The following CDH12 variants were observed in gnomAD, a reference collection of about 807,000 sequenced individuals.
CDH12 encodes the protein cadherin 12, also known as cadherin-12.
Under a neutral mutation model 74.1 loss-of-function variants are expected in CDH12, and 41 were observed. The ratio of observed to expected loss-of-function variants is 0.55; its 90% CI spans 0.43 to 0.72. The LOEUF (loss-of-function observed/expected upper bound fraction) is 0.72. CDH12 is among the 30% of genes least tolerant of loss of function. CDH12 has a pLI of 0.00. For missense variants in CDH12, 945 were observed against 977.2 expected (o/e 0.97, Z 0.44); for synonymous variants, 399 against 355.0 (o/e 1.12, Z -1.39).
intron 1 of CDH12, among the ~76,000 whole-genome samples, chr5:22,567,813 A>C: frequency 6.6e-6 from 1 of 152,254 alleles, no homozygotes; most frequent in East Asian, 1.9e-4. Context: ...ATATTTGAAC[A>C]GATGTAGATG....
At chr5:22,279,946 C>T (rs368545124) in intron 3 of CDH12, among the ~76,000 whole-genome samples, 19 of 152,242 alleles carry the variant, frequency 1.2e-4, no homozygotes, top group African/African-American at 3.9e-4. Flanking sequence ...CCTGAGGAAT[C>T]GCCACACTAT....
intron 6 of CDH12, among the ~76,000 whole-genome samples, chr5:21,898,745 A>T (rs1443173833): frequency 6.6e-6 from 1 of 151,984 alleles, no homozygotes; most frequent in Non-Finnish European, 1.5e-5. Context: ...AATAAAGTAT[A>T]TTTGAGAAGA....
chr5:22,570,119 G>A (rs1739473344), intron 1 of CDH12, among the ~76,000 whole-genome samples: 1 of 151,918 alleles, frequency 6.6e-6, no homozygotes, highest in South Asian at 2.1e-4. Flanking sequence ...GCAGTGGAGT[G>A]ATCTCGGCTC....
intron 3 of CDH12, among the ~76,000 whole-genome samples, chr5:22,377,633 T>A (rs1467610000): frequency 6.6e-6 from 1 of 152,222 alleles, no homozygotes; most frequent in Non-Finnish European, 1.5e-5. Flanking sequence ...GGCATCTGGA[T>A]TCCAATAGTT....
At chr5:21,983,530 G>A (rs1757397748) in intron 5 of CDH12, among the ~76,000 whole-genome samples, 1 of 152,152 alleles carries the variant, frequency 6.6e-6, no homozygotes, top group African/African-American at 2.4e-5. Flanking sequence ...CTCCAGGTGC[G>A]AGTTTATGTG....
At chr5:22,286,599 A>T (rs961682373) in intron 3 of CDH12, among the ~76,000 whole-genome samples, 50 of 152,180 alleles carry the variant, frequency 3.3e-4, no homozygotes, top group Non-Finnish European at 1.8e-4. Context: ...GATGAATATC[A>T]CAGAAATCCT....
chr5:22,311,617 C>T (rs183846317), intron 3 of CDH12, among the ~76,000 whole-genome samples: 72 of 150,166 alleles, frequency 4.8e-4, no homozygotes, highest in African/African-American at 1.7e-3. Flanking sequence ...GCAGGATAAT[C>T]GCTTGAACCT....
chr5:22,523,497 T>G (rs895857374), intron 1 of CDH12, among the ~76,000 whole-genome samples: 1 of 152,226 alleles, frequency 6.6e-6, no homozygotes, highest in African/African-American at 2.4e-5. Context: ...GAACTATTAA[T>G]TTTAATTTCC....
At chr5:22,182,692 A>G (rs1749710770) in intron 4 of CDH12, among the ~76,000 whole-genome samples, 1 of 152,220 alleles carries the variant, frequency 6.6e-6, no homozygotes, top group African/African-American at 2.4e-5. Flanking sequence ...GATACTGAAG[A>G]AGGCACAGCA....
intron 2 of CDH12, among the ~76,000 whole-genome samples, chr5:22,493,591 C>A (rs557865036): frequency 6.6e-6 from 1 of 150,764 alleles, no homozygotes; most frequent in South Asian, 2.1e-4. Flanking sequence ...TTTTTTTTGT[C>A]CTTACTTTTT....
rs187870648 is a variant in CDH12 at position 22,696,707 on chromosome 5, G to A, written c.-523+156351C>T. 5.9e-5 allele frequency among the ~76,000 whole-genome samples: 9 copies of A among 152,204 alleles called. No individual in the cohort carries two copies. In the East Asian group the frequency reaches 1.7e-3, roughly 29 times the overall value. On this transcript the variant is annotated intron_variant, in intron 1 of 14. Transcript: ENST00000382254. The stretch of plus-strand genomic sequence containing the variant: ...GGTGTAGCTTTCTAGCAGCTAGAAT[G>A]GCTTCTGAAGATGTTTCTTCTTTCA...
At chr5:22,004,997 T>C (rs1414787718) in intron 5 of CDH12, among the ~76,000 whole-genome samples, 2 of 152,200 alleles carry the variant, frequency 1.3e-5, no homozygotes, top group African/African-American at 2.4e-5. Flanking sequence ...ATGGATGGTA[T>C]ATGTACCATA....
chr5:22,104,293 T>TA (rs1744308526), intron 4 of CDH12, among the ~76,000 whole-genome samples: 2 of 152,232 alleles, frequency 1.3e-5, no homozygotes, highest in South Asian at 4.1e-4. Flanking sequence ...GCATTTGAAT[T>TA]AGATTATATA....
chr5:21,802,782 G>A (rs548861538), intron 9 of CDH12, among the ~76,000 whole-genome samples: 148 of 151,806 alleles, frequency 9.7e-4, no homozygotes, highest in African/African-American at 3.4e-3. Flanking sequence ...AGTAGAGACG[G>A]GGTTTCAACA....
intron 4 of CDH12, chr5:22,152,082 T>C (rs548855456): frequency 6.6e-6 from 1 of 152,198 alleles, no homozygotes; most frequent in South Asian, 2.1e-4. Flanking sequence ...CTTTCCCATC[T>C]CGTTCTGGAA....
intron 1 of CDH12, among the ~76,000 whole-genome samples, chr5:22,648,293 T>C (rs1233888645): frequency 1.3e-5 from 2 of 151,914 alleles, no homozygotes; most frequent in East Asian, 1.9e-4. Flanking sequence ...TACTATTTCA[T>C]AGAGTACAGC....
At chr5:22,207,545 G>A (rs1168755438) in intron 4 of CDH12, among the ~76,000 whole-genome samples, 1 of 152,188 alleles carries the variant, frequency 6.6e-6, no homozygotes, top group Non-Finnish European at 1.5e-5. Context: ...TTAGATTGTT[G>A]ACTACCAGTG....
intron 4 of CDH12, among the ~76,000 whole-genome samples, chr5:22,164,892 A>G (rs1257581188): frequency 7.0e-6 from 1 of 142,328 alleles, no homozygotes; most frequent in African/African-American, 2.7e-5. Flanking sequence ...AGCACAAACC[A>G]TGTAGTTTAA....
chr5:21,942,262 G>C (rs1213586666), intron 6 of CDH12, among the ~76,000 whole-genome samples: 2 of 151,350 alleles, frequency 1.3e-5, no homozygotes, highest in Non-Finnish European at 1.5e-5. Flanking sequence ...AGAACTGTAA[G>C]ATAGTAGATT....
Sources: allele counts gnomAD v4.1 joint callset (sites outside exome capture counted in the v4.1 genomes callset), GRCh38; gene constraint gnomAD v4.1.1; transcripts MANE v1.5; gene names NCBI Gene and HGNC (gene_info 2026-07-23, HGNC 2026-07-21).